The following KCNH8 variants were observed in gnomAD, a reference collection of about 807,000 sequenced individuals.
The protein encoded by KCNH8 is voltage-gated delayed rectifier potassium channel KCNH8.
Under a neutral mutation model 103.6 loss-of-function variants are expected in KCNH8, and 70 were observed. The ratio of observed to expected loss-of-function variants is 0.68; its 90% CI spans 0.56 to 0.82. The LOEUF is 0.82. Among genes scored for constraint, KCNH8 ranks in the 40% least tolerant of loss-of-function variants. The pLI is 0.00. For missense variants in KCNH8, 1,217 were observed against 1,329.9 expected (o/e 0.92, Z 1.32); for synonymous variants, 498 against 489.4 (o/e 1.02, Z -0.23).
intron 3 of KCNH8, among the ~76,000 whole-genome samples, chr3:19,284,878 A>G (rs2064809023): frequency 6.7e-6 from 1 of 149,474 alleles, no homozygotes; most frequent in Admixed American, 6.6e-5. Flanking sequence ...ATAAAAAAAA[A>G]AAAGAAAAGG....
chr3:19,413,182 C>T (rs2066809193), intron 7 of KCNH8, among the ~76,000 whole-genome samples: 1 of 148,206 alleles, frequency 6.7e-6, no homozygotes, highest in African/African-American at 2.5e-5. Flanking sequence ...TGGAATATCA[C>T]ATAGCCAAAA....
At chr3:19,329,056 A>G (rs953935341) in intron 3 of KCNH8, among the ~76,000 whole-genome samples, 1 of 152,152 alleles carries the variant, frequency 6.6e-6, no homozygotes, top group Admixed American at 6.6e-5. Flanking sequence ...ATACATCACT[A>G]CAAATCCAAA....
intron 3 of KCNH8, among the ~76,000 whole-genome samples, chr3:19,294,218 TA>T (rs1441560840): frequency 1.3e-5 from 2 of 152,158 alleles, no homozygotes; most frequent in African/African-American, 2.4e-5. Flanking sequence ...ATTTTGAAGA[TA>T]ATTGAAGTTA....
At chr3:19,157,820 T>G (rs1214232684) in intron 1 of KCNH8, among the ~76,000 whole-genome samples, 1 of 151,888 alleles carries the variant, frequency 6.6e-6, no homozygotes, top group Non-Finnish European at 1.5e-5. Flanking sequence ...TTTCCCTTTT[T>G]TGACATCTTT....
At chr3:19,372,930 T>C (rs1018863347) in intron 5 of KCNH8, among the ~76,000 whole-genome samples, 34 of 152,172 alleles carry the variant, frequency 2.2e-4, no homozygotes, top group Non-Finnish European at 3.7e-4. Context: ...TTTGCGTATA[T>C]TGAACCAGCC....
Position 19,342,665 on chromosome 3 carries a change from T to A in KCNH8, c.521T>A (p.Ile174Asn). 1 of 1,610,994 alleles carries A rather than the reference T, an allele frequency of 6.2e-7. No homozygotes were observed. The highest frequency in any genetic ancestry group is 8.5e-7 in the Non-Finnish European group (1 of 1,177,862). The change falls in exon 4 of 16, where the codon ATC becomes AAC. Residue 174 changes from isoleucine (I) to asparagine (N), a missense_variant. Coordinates refer to ENST00000328405, the MANE Select transcript of KCNH8 (RefSeq NM_144633.3). ...CGGAGTCGAGCAGTCCTTTATCACATCTCTGGGCACCTGCAAAGAAGAGAA... is the reference window on the plus strand; with the variant it reads ...CGGAGTCGAGCAGTCCTTTATCACAACTCTGGGCACCTGCAAAGAAGAGAA... ...RRRSRAVLYH[I>N]SGHLQRREKN...
At chr3:19,167,688 A>G (rs2063299258) in intron 1 of KCNH8, among the ~76,000 whole-genome samples, 1 of 152,216 alleles carries the variant, frequency 6.6e-6, no homozygotes, top group East Asian at 1.9e-4. Context: ...TCCATTTTTT[A>G]TAGATAACTA....
chr3:19,354,268 A>G (rs547621904), intron 5 of KCNH8, among the ~76,000 whole-genome samples: 93 of 152,136 alleles, frequency 6.1e-4, no homozygotes, highest in Non-Finnish European at 1.2e-3. Flanking sequence ...ATGCTCATGG[A>G]TAGGAAGAAT....
intron 1 of KCNH8, among the ~76,000 whole-genome samples, chr3:19,198,716 A>C (rs1405150884): frequency 2.0e-5 from 3 of 152,048 alleles, no homozygotes; most frequent in Non-Finnish European, 2.9e-5. Flanking sequence ...CAGTGCCAAT[A>C]CCCACTCCCC....
chr3:19,346,791 A>G (rs983484920), intron 4 of KCNH8: 3 of 426,712 alleles, frequency 7.0e-6, no homozygotes, highest in Non-Finnish European at 1.4e-5. Context: ...ACTTTCAAAT[A>G]TAAGTTTCCA....
At chr3:19,218,672 A>G (rs2063840815) in intron 1 of KCNH8, among the ~76,000 whole-genome samples, 1 of 152,152 alleles carries the variant, frequency 6.6e-6, no homozygotes, top group South Asian at 2.1e-4. Context: ...AAATGGTTTA[A>G]ACAACAAAAA....
intron 7 of KCNH8, among the ~76,000 whole-genome samples, chr3:19,408,177 A>G (rs2066723561): frequency 6.6e-6 from 1 of 152,228 alleles, no homozygotes; most frequent in East Asian, 1.9e-4. Flanking sequence ...ATGGGCTTGT[A>G]GGACAAACTG....
chr3:19,510,147 G>A (rs567327005), intron 11 of KCNH8, among the ~76,000 whole-genome samples: 2 of 152,260 alleles, frequency 1.3e-5, no homozygotes, highest in South Asian at 4.1e-4. Context: ...CTGATCAGTA[G>A]TGGTCCTAGA....
At position 19,220,537 on chromosome 3, in the gene KCNH8, T is replaced by C. The variant is rs149875351; in HGVS notation, c.77-33117T>C. Among the ~76,000 whole-genome samples the C allele has an allele frequency of 1.2e-3, 179 of 152,200 alleles. 1 individual carries two copies. The highest frequency in any genetic ancestry group is 4.0e-3 in the African/African-American group (168 of 41,528). On this transcript the variant is annotated intron_variant, in intron 1 of 15. Transcript: ENST00000328405. The stretch of plus-strand genomic sequence containing the variant: ...CTGTCAACAATGCATCTAAAATGAA[T>C]GAGTCTTCAAAGAGGAAGGACTCCC...
At chr3:19,494,878 A>C (rs1305773515) in intron 11 of KCNH8, among the ~76,000 whole-genome samples, 1 of 152,062 alleles carries the variant, frequency 6.6e-6, no homozygotes, top group African/African-American at 2.4e-5. Context: ...TTCAACTTTT[A>C]ATAATGGCCA....
At chr3:19,248,257 C>T (rs1214604708) in intron 1 of KCNH8, among the ~76,000 whole-genome samples, 6 of 152,086 alleles carry the variant, frequency 3.9e-5, no homozygotes, top group Admixed American at 1.3e-4. Context: ...TTGCAAAATA[C>T]ATTAAAAGCA....
intron 1 of KCNH8, among the ~76,000 whole-genome samples, chr3:19,195,027 G>A (rs2063587369): frequency 6.6e-6 from 1 of 151,760 alleles, no homozygotes; most frequent in South Asian, 2.1e-4. Flanking sequence ...TAACTGAAGT[G>A]ATAGAAAAAA....
chr3:19,346,816 T>G, intron 4 of KCNH8: 1 of 389,552 alleles, frequency 2.6e-6, no homozygotes, highest in Non-Finnish European at 5.2e-6. Context: ...CTATCTTATA[T>G]TTCCCATTAA....
At chr3:19,347,643 C>T in intron 4 of KCNH8, 82 bp from the exon 5 acceptor site, 1 of 1,524,264 alleles carries the variant, frequency 6.6e-7, no homozygotes, top group Admixed American at 1.8e-5. Context: ...ATCCTACTCA[C>T]AAAAGTGTGT....
Sources: gnomAD v4.1 joint callset for allele counts (sites outside exome capture counted in the v4.1 genomes callset) on GRCh38, gnomAD v4.1.1 for gene constraint, MANE v1.5 for transcripts, NCBI Gene and HGNC (gene_info 2026-07-23, HGNC 2026-07-21) for gene names.